TMDD1: variants seen among roughly 807,000 people sequenced by gnomAD.
TMDD1 encodes transmembrane and death domain protein 1.
At position 51,814,271 on chromosome 12, in the gene TMDD1, T is replaced by C; in HGVS notation, c.623A>G (p.Tyr208Cys). 2.5e-6 allele frequency: 1 copy of C among 394,514 alleles called. No individual in the cohort carries two copies. Among genetic ancestry groups the C allele is most frequent in the Non-Finnish European group, 4.5e-6 (1 of 223,462 alleles). The allele number at this position is 394,514 out of a possible 1,614,324, so 24.4% of individuals were successfully genotyped here. A position where few individuals can be genotyped will look rare whatever the true frequency, so the allele number is the denominator to read the frequency against. Residue 208 changes from tyrosine to cysteine, a missense_variant, in exon 1 of 1, where the codon TAC (tyrosine) becomes TGC (cysteine). Coordinates refer to ENST00000642069, the MANE Select transcript of TMDD1 (RefSeq NM_001386737.1). Reference sequence around the variant, plus strand: ...CGCCCAACCCATGGGGCTCCGCTCGTACAGGGGCTGCGGCAGGCGCTCCAC... The same window carrying C: ...CGCCCAACCCATGGGGCTCCGCTCGCACAGGGGCTGCGGCAGGCGCTCCAC... ...LIVERLPQPL[Y>C]ERSPMGWAGP...
chr12:51,814,182 CGACCAGCGCCCCGGT>C lies in TMDD1; in HGVS notation c.697_711del (p.Thr233_Val237del). 2.5e-6 allele frequency: 1 copy of C among 397,362 alleles called. No individual in the cohort carries two copies. The highest frequency in any genetic ancestry group is 4.4e-6 in the Non-Finnish European group (1 of 225,436). 24.6% of individuals were successfully genotyped at this position (397,362 alleles called of 1,614,324 possible). ...CCAGTGATCCATAGCGTGAGCAGGA[CGACCAGCGCCCCGGT>C]GCCCAGCGCCCCCACGAAGCCGGTG... On this transcript the variant is annotated inframe_deletion, in exon 1 of 1. Transcript: ENST00000642069.
At position 51,814,881 on chromosome 12, in the gene TMDD1, T is replaced by G. The variant is rs1248795300; in HGVS notation, c.13A>C (p.Thr5Pro). The change falls in exon 1 of 1, where the codon ACT (threonine) becomes CCT (proline). Residue 5 changes from threonine to proline, a missense_variant. Physicochemically the swap from Thr to Pro is conservative, Grantham distance 38 (BLOSUM62 -1). Transcript: ENST00000642069. ...GTGAGGACCAAGGCGCTCGCCAGAGTCCGCGCCGCCATCCCTGGCGGGAAC... is the reference window on the plus strand; with the variant it reads ...GTGAGGACCAAGGCGCTCGCCAGAGGCCGCGCCGCCATCCCTGGCGGGAAC... MAAR[T>P]LASALVLTLW... 2.3e-5 allele frequency: 9 copies of G among 397,998 alleles called. No homozygotes were observed. Among genetic ancestry groups the G allele is most frequent in the Non-Finnish European group, 3.1e-5 (7 of 225,768 alleles). The allele number at this position is 397,998 out of a possible 1,614,324, so 24.7% of individuals were successfully genotyped here.
Position 51,814,473 on chromosome 12 carries a change from C to G in TMDD1, c.421G>C (p.Asp141His), listed in dbSNP as rs1341419379. 4.5e-5 allele frequency: 17 copies of G among 381,604 alleles called. No homozygotes were observed. Among genetic ancestry groups the G allele is most frequent in the Non-Finnish European group, 7.9e-5 (17 of 215,132 alleles). 23.6% of individuals were successfully genotyped at this position (381,604 alleles called of 1,614,324 possible). A position where few individuals can be genotyped will look rare whatever the true frequency, so the allele number is the denominator to read the frequency against. The stretch of plus-strand genomic sequence containing the variant: ...TTCTTGCCCAGCTCCCTGGCCACGT[C>G]CGGGCGGCCGCTGCGCCGCAGGGCC... ...ARALRRSGRP[D>H]VARELGKNLH... Residue 141 changes from aspartate to histidine, a missense_variant, in exon 1 of 1, where the codon GAC (aspartate) becomes CAC (histidine). Coordinates refer to ENST00000642069, the MANE Select transcript of TMDD1 (RefSeq NM_001386737.1).
chr12:51,814,362 C>G lies in TMDD1; in HGVS notation c.532G>C (p.Ala178Pro), dbSNP rs1035336531. The G allele has an allele frequency of 5.5e-6, 2 of 364,054 alleles. No homozygotes were observed. The highest frequency in any genetic ancestry group is 4.2e-5 in the African/African-American group (2 of 47,080). The allele number at this position is 364,054 out of a possible 1,614,324, so 22.6% of individuals were successfully genotyped here. A position where few individuals can be genotyped will look rare whatever the true frequency, so the allele number is the denominator to read the frequency against. The change falls in exon 1 of 1, where the codon GCC (alanine) becomes CCC (proline). Residue 178 changes from alanine (A) to proline (P), a missense_variant. Ala to Pro is a conservative substitution (Grantham distance 27). Coordinates refer to ENST00000642069, the MANE Select transcript of TMDD1 (RefSeq NM_001386737.1). The stretch of plus-strand genomic sequence containing the variant: ...GCGCGCCGGGGGCGCGGGGCCGGGG[C>G]AAAGGGCACGCGGGCGGCGGCGCCG... ...RPGAAARVPF[A>P]PAPRPRRAAV...
chr12:51,814,308 G>A lies in TMDD1; in HGVS notation c.586C>T (p.Leu196=), dbSNP rs371270328. The change falls in exon 1 of 1, where the codon CTG becomes TTG. Residue 196 remains leucine, a synonymous_variant. Coordinates refer to ENST00000642069, the MANE Select transcript of TMDD1 (RefSeq NM_001386737.1). ...AAVPAPDWDA[L]QLIVERLPQP... ...GGCAGGCGCTCCACGATCAGCTGCA[G>A]GGCGTCCCAGTCCGGCGCGGGGACC... 10 of 390,270 alleles carry A rather than the reference G, an allele frequency of 2.6e-5. No individual in the cohort carries two copies. The highest frequency in any genetic ancestry group is 1.2e-4 in the African/African-American group (6 of 48,128). 24.2% of individuals were successfully genotyped at this position (390,270 alleles called of 1,614,324 possible).
At position 51,814,464 on chromosome 12, in the gene TMDD1, T is replaced by C; in HGVS notation, c.430A>G (p.Arg144Gly). 2.6e-6 allele frequency: 1 copy of C among 380,226 alleles called. No homozygotes were observed. Among genetic ancestry groups the C allele is most frequent in the East Asian group, 3.8e-5 (1 of 26,374 alleles). 23.6% of individuals were successfully genotyped at this position (380,226 alleles called of 1,614,324 possible). A position where few individuals can be genotyped will look rare whatever the true frequency, so the allele number is the denominator to read the frequency against. ...LRRSGRPDVA[R>G]ELGKNLHQQA... ...TGGTGGAGGTTCTTGCCCAGCTCCC[T>C]GGCCACGTCCGGGCGGCCGCTGCGC... Residue 144 changes from arginine to glycine, a missense_variant, in exon 1 of 1, where the codon AGG becomes GGG. Physicochemically the swap from Arg to Gly is moderately radical, Grantham distance 125. Transcript: ENST00000642069.
In TMDD1 at chr12:51,814,572, C is replaced by T; in HGVS notation, c.322G>A (p.Asp108Asn). 1.0e-5 allele frequency: 4 copies of T among 396,514 alleles called. No homozygotes were observed. Among genetic ancestry groups the T allele is most frequent in the Non-Finnish European group, 1.8e-5 (4 of 224,696 alleles). 24.6% of individuals were successfully genotyped at this position (396,514 alleles called of 1,614,324 possible). A position where few individuals can be genotyped will look rare whatever the true frequency, so the allele number is the denominator to read the frequency against. The change falls in exon 1 of 1, where the codon GAC (aspartate) becomes AAC (asparagine). Residue 108 changes from aspartate to asparagine, a missense_variant. Transcript: ENST00000642069. ...GRVAGPGEVS[D>N]GCREALAAWL... The stretch of plus-strand genomic sequence containing the variant: ...GCCGCCAGCGCCTCCCGGCAGCCGT[C>T]GGACACCTCTCCAGGCCCGGCTACC...
Position 51,814,156 on chromosome 12 carries a change from G to A in TMDD1, c.738C>T (p.Gly246=). Residue 246 remains glycine (G), a synonymous_variant, in exon 1 of 1, where the codon GGC becomes GGT. Coordinates refer to ENST00000642069, the MANE Select transcript of TMDD1 (RefSeq NM_001386737.1). The part of the protein sequence containing the change: ...LVVLLTLWIT[G]GDGDRASPGS... ...CGGGCGACGCCCGGTCGCCGTCGCC[G>A]CCAGTGATCCATAGCGTGAGCAGGA... is the stretch of plus-strand genomic sequence containing the variant. 5.0e-6 allele frequency: 2 copies of A among 397,736 alleles called. No homozygotes were observed. The highest frequency in any genetic ancestry group is 8.9e-6 in the Non-Finnish European group (2 of 225,520). The allele number at this position is 397,736 out of a possible 1,614,324, so 24.6% of individuals were successfully genotyped here. A position where few individuals can be genotyped will look rare whatever the true frequency, so the allele number is the denominator to read the frequency against.
chr12:51,814,231 G>A lies in TMDD1; in HGVS notation c.663C>T (p.Leu221=), dbSNP rs542076160. The A allele has an allele frequency of 4.0e-5, 16 of 396,464 alleles. No homozygotes were observed. Among genetic ancestry groups the A allele is most frequent in the Non-Finnish European group, 6.7e-5 (15 of 224,762 alleles). The allele number at this position is 396,464 out of a possible 1,614,324, so 24.6% of individuals were successfully genotyped here. ...SPMGWAGPLA[L]GLLTGFVGAL... The stretch of plus-strand genomic sequence containing the variant: ...CCCCCACGAAGCCGGTGAGGAGGCC[G>A]AGCGCCAGCGGCCCCGCCCAACCCA... Residue 221 remains leucine (L), a synonymous_variant, in exon 1 of 1, where the codon CTC becomes CTT. Coordinates refer to ENST00000642069, the MANE Select transcript of TMDD1 (RefSeq NM_001386737.1).
Position 51,814,437 on chromosome 12 carries a change from G to C in TMDD1, c.457C>G (p.Gln153Glu), listed in dbSNP as rs1939018331. 1 of 375,756 alleles carries C rather than the reference G, an allele frequency of 2.7e-6. No individual in the cohort carries two copies. Among genetic ancestry groups the C allele is most frequent in the Non-Finnish European group, 4.7e-6 (1 of 211,358 alleles). The allele number at this position is 375,756 out of a possible 1,614,324, so 23.3% of individuals were successfully genotyped here. A position where few individuals can be genotyped will look rare whatever the true frequency, so the allele number is the denominator to read the frequency against. ...AACTTGCGCAGCTGCAGCGTCGCCT[G>C]CTGGTGGAGGTTCTTGCCCAGCTCC... Reference protein sequence around the residue: ...ARELGKNLHQQATLQLRKFGQ... With the variant: ...ARELGKNLHQEATLQLRKFGQ... Residue 153 changes from glutamine (Q) to glutamate (E), a missense_variant, in exon 1 of 1, where the codon CAG becomes GAG. By Grantham distance (29) the Gln-to-Glu change is conservative. Transcript: ENST00000642069.
At position 51,814,370 on chromosome 12, in the gene TMDD1, A is replaced by C. The variant is rs111461714; in HGVS notation, c.524T>G (p.Val175Gly). 2.8e-6 allele frequency: 1 copy of C among 358,922 alleles called. No homozygotes were observed. Among genetic ancestry groups the C allele is most frequent in the Non-Finnish European group, 5.0e-6 (1 of 200,754 alleles). The allele number at this position is 358,922 out of a possible 1,614,324, so 22.2% of individuals were successfully genotyped here. The change falls in exon 1 of 1, where the codon GTG (valine) becomes GGG (glycine). Residue 175 changes from valine to glycine, a missense_variant. Physicochemically the swap from Val to Gly is moderately radical, Grantham distance 109. Coordinates refer to ENST00000642069, the MANE Select transcript of TMDD1 (RefSeq NM_001386737.1). The stretch of plus-strand genomic sequence containing the variant: ...GGGGCGCGGGGCCGGGGCAAAGGGC[A>C]CGCGGGCGGCGGCGCCGGGCCGCGG... ...FLPRPGAAAR[V>G]PFAPAPRPRR...
rs1939024128 is a variant in TMDD1, at chr12:51,814,680, C to T, written c.214G>A (p.Ala72Thr). 2.5e-6 allele frequency: 1 copy of T among 398,194 alleles called. No individual in the cohort carries two copies. Among genetic ancestry groups the T allele is most frequent in the Non-Finnish European group, 4.4e-6 (1 of 225,740 alleles). The allele number at this position is 398,194 out of a possible 1,614,324, so 24.7% of individuals were successfully genotyped here. A position where few individuals can be genotyped will look rare whatever the true frequency, so the allele number is the denominator to read the frequency against. The change falls in exon 1 of 1, where the codon GCG (alanine) becomes ACG (threonine). Residue 72 changes from alanine to threonine, a missense_variant. Ala to Thr is a moderately conservative substitution (Grantham distance 58). Coordinates refer to ENST00000642069, the MANE Select transcript of TMDD1 (RefSeq NM_001386737.1). ...GTGGTGTTGAGCGGCTCAGGCCGCG[C>T]CAGCCGGTCTTCAGAAAGCCGGGAC... ...ELSRLSEDRL[A>T]RPEPLNTTSG...
Position 51,814,532 on chromosome 12 carries a change from TG to T in TMDD1, c.361del (p.Gln121ArgfsTer78), listed in dbSNP as rs912570037. On this transcript the variant is annotated frameshift_variant, in exon 1 of 1. Coordinates refer to ENST00000642069, the MANE Select transcript of TMDD1 (RefSeq NM_001386737.1). LOFTEE classifies it low-confidence loss of function (END_TRUNC). ...GCGGTCCCAGGACAGGGACGCGGCC[TG>T]GGGGGCCAGCCAGGCCGCCAGCGCC... is the stretch of plus-strand genomic sequence containing the variant. ...REALAAWLAPQAASLSWDRLA... is the reference protein window; with the variant it reads ...REALAAWLAPXAASLSWDRLA... 1 of 391,462 alleles carries T rather than the reference TG, an allele frequency of 2.6e-6. No homozygotes were observed. The highest frequency in any genetic ancestry group is 4.5e-6 in the Non-Finnish European group (1 of 221,504). 24.2% of individuals were successfully genotyped at this position (391,462 alleles called of 1,614,324 possible).
Position 51,814,213 on chromosome 12 carries a change from G to A in TMDD1, c.681C>T (p.Phe227=), listed in dbSNP as rs891104295. 3.3e-5 allele frequency: 13 copies of A among 396,998 alleles called. No individual in the cohort carries two copies. In the East Asian group the frequency reaches 3.9e-4, roughly 12 times the overall value. 24.6% of individuals were successfully genotyped at this position (396,998 alleles called of 1,614,324 possible). A position where few individuals can be genotyped will look rare whatever the true frequency, so the allele number is the denominator to read the frequency against. ...GCGCCCCGGTGCCCAGCGCCCCCAC[G>A]AAGCCGGTGAGGAGGCCGAGCGCCA... is the stretch of plus-strand genomic sequence containing the variant. ...GPLALGLLTG[F]VGALGTGALV... Residue 227 remains phenylalanine, a synonymous_variant, in exon 1 of 1, where the codon TTC becomes TTT. Coordinates refer to ENST00000642069, the MANE Select transcript of TMDD1 (RefSeq NM_001386737.1).
In TMDD1 at chr12:51,814,796, G is replaced by C. The variant is rs1939026595; in HGVS notation, c.98C>G (p.Ala33Gly). ...GGTCAGCAGCTCGGCCAGACGGACG[G>C]CTGCGTGAGGGCCCATAGCGTCCAC... Reference protein sequence around the residue: ...GAVDAMGPHAAVRLAELLTPE... With the variant: ...GAVDAMGPHAGVRLAELLTPE... The change falls in exon 1 of 1, where the codon GCC becomes GGC. Residue 33 changes from alanine (A) to glycine (G), a missense_variant. By Grantham distance (60) the Ala-to-Gly change is moderately conservative. Transcript: ENST00000642069. 2.5e-6 allele frequency: 1 copy of C among 398,180 alleles called. No homozygotes were observed. Among genetic ancestry groups the C allele is most frequent in the Non-Finnish European group, 4.4e-6 (1 of 225,802 alleles). The allele number at this position is 398,180 out of a possible 1,614,324, so 24.7% of individuals were successfully genotyped here.
Position 51,814,911 on chromosome 12 carries a change from G to T in TMDD1, c.-18C>A. 2.5e-6 allele frequency: 1 copy of T among 398,262 alleles called. No individual in the cohort carries two copies. Among genetic ancestry groups the T allele is most frequent in the South Asian group, 1.3e-4 (1 of 7,846 alleles). The allele number at this position is 398,262 out of a possible 1,614,324, so 24.7% of individuals were successfully genotyped here. On this transcript the variant is annotated 5_prime_UTR_variant, in exon 1 of 1. Coordinates refer to ENST00000642069, the MANE Select transcript of TMDD1 (RefSeq NM_001386737.1). ...GCCGCCATCCCTGGCGGGAACCAGG[G>T]ACCGAGGACTGTGCGGGGACGGGGA... is the stretch of plus-strand genomic sequence containing the variant.
rs2138960122 is a variant in TMDD1 at position 51,814,376 on chromosome 12, G to A, written c.518C>T (p.Ala173Val). Residue 173 changes from alanine to valine, a missense_variant, in exon 1 of 1, where the codon GCC (alanine) becomes GTC (valine). Ala to Val is a moderately conservative substitution (Grantham distance 64). Coordinates refer to ENST00000642069, the MANE Select transcript of TMDD1 (RefSeq NM_001386737.1). Reference protein sequence around the residue: ...QRFLPRPGAAARVPFAPAPRP... With the variant: ...QRFLPRPGAAVRVPFAPAPRP... ...CGGGGCCGGGGCAAAGGGCACGCGGGCGGCGGCGCCGGGCCGCGGCAGGAA... is the reference window on the plus strand; with the variant it reads ...CGGGGCCGGGGCAAAGGGCACGCGGACGGCGGCGCCGGGCCGCGGCAGGAA... 1 of 356,636 alleles carries A rather than the reference G, an allele frequency of 2.8e-6. No individual in the cohort carries two copies. Among genetic ancestry groups the A allele is most frequent in the Non-Finnish European group, 5.0e-6 (1 of 199,184 alleles). 22.1% of individuals were successfully genotyped at this position (356,636 alleles called of 1,614,324 possible). A position where few individuals can be genotyped will look rare whatever the true frequency, so the allele number is the denominator to read the frequency against.
At position 51,814,349 on chromosome 12, in the gene TMDD1, C is replaced by G. The variant is rs532390639; in HGVS notation, c.545G>C (p.Arg182Pro). 495 of 369,624 alleles carry G rather than the reference C, an allele frequency of 1.3e-3. 1 individual carries two copies. Among genetic ancestry groups the G allele is most frequent in the Non-Finnish European group, 1.4e-3 (290 of 207,792 alleles). The allele number at this position is 369,624 out of a possible 1,614,324, so 22.9% of individuals were successfully genotyped here. ...CGCGGGGACCGCGGCGCGCCGGGGG[C>G]GCGGGGCCGGGGCAAAGGGCACGCG... ...AARVPFAPAP[R>P]PRRAAVPAPD... The change falls in exon 1 of 1, where the codon CGC becomes CCC. Residue 182 changes from arginine (R) to proline (P), a missense_variant. Coordinates refer to ENST00000642069, the MANE Select transcript of TMDD1 (RefSeq NM_001386737.1).
At position 51,814,600 on chromosome 12, in the gene TMDD1, GC is replaced by G; in HGVS notation, c.293del (p.Gly98AlafsTer3). The G allele has an allele frequency of 2.5e-6, 1 of 397,596 alleles. No homozygotes were observed. 24.6% of individuals were successfully genotyped at this position (397,596 alleles called of 1,614,324 possible). ...ACACCTCTCCAGGCCCGGCTACCCT[GC>G]CCGCCGGGTCCTCGGCCGCCTCTCG... Reference protein sequence around the residue: ...RRREAAEDPAGRVAGPGEVSD... With the variant: ...RRREAAEDPAXRVAGPGEVSD... On this transcript the variant is annotated frameshift_variant, in exon 1 of 1. Transcript: ENST00000642069. LOFTEE classifies it low-confidence loss of function (END_TRUNC).
Sources: allele counts gnomAD v4.1 joint callset, GRCh38; gene constraint gnomAD v4.1.1; transcripts MANE v1.5; gene names NCBI Gene and HGNC (gene_info 2026-07-23, HGNC 2026-07-21).